Variants in CTNND2 observed in about 807,000 individuals in gnomAD.
The protein encoded by CTNND2 is catenin delta 2.
In CTNND2, 22 loss-of-function variants were observed where a neutral mutation model predicts 144.4. The ratio of observed to expected loss-of-function variants is 0.15; its 90% CI spans 0.11 to 0.22. The LOEUF (loss-of-function observed/expected upper bound fraction) is 0.22, where lower values mean the gene tolerates loss of function less well. Among genes scored for constraint, CTNND2 ranks in the 10% least tolerant of loss-of-function variants. The pLI, the probability that CTNND2 is intolerant of heterozygous loss-of-function variation, is 1.00. For missense variants in CTNND2, 1,353 were observed against 1,618.8 expected, an observed-to-expected ratio of 0.84 and a Z score of 2.82; for synonymous variants, 751 against 695.6, an observed-to-expected ratio of 1.08 and a Z score of -1.25.
chr5:11,628,415 A>C (rs1344515601), intron 2 of CTNND2, among the ~76,000 whole-genome samples: 1 of 152,206 alleles, frequency 6.6e-6, no homozygotes, highest in African/African-American at 2.4e-5. Flanking sequence ...TAGCAATATC[A>C]GAATCTGCAT....
chr5:11,852,870 C>G (rs1202421425), intron 1 of CTNND2, among the ~76,000 whole-genome samples: 1 of 152,152 alleles, frequency 6.6e-6, no homozygotes, highest in Admixed American at 6.5e-5. Flanking sequence ...TGGGTTTGCC[C>G]TTATGTGTGC....
At chr5:11,240,113 C>T (rs1255135106) in intron 9 of CTNND2, among the ~76,000 whole-genome samples, 1 of 150,870 alleles carries the variant, frequency 6.6e-6, no homozygotes, top group African/African-American at 2.4e-5. Flanking sequence ...ACACAACACA[C>T]ACACACACAC....
At chr5:11,231,733 C>A (rs1362014440) in intron 10 of CTNND2, among the ~76,000 whole-genome samples, 2 of 152,196 alleles carry the variant, frequency 1.3e-5, no homozygotes, top group African/African-American at 4.8e-5. Context: ...AAGCTTGCTG[C>A]AGAAATTTGC....
At chr5:11,372,678 A>G (rs2149783589) in intron 7 of CTNND2, among the ~76,000 whole-genome samples, 1 of 152,318 alleles carries the variant, frequency 6.6e-6, no homozygotes, top group Non-Finnish European at 1.5e-5. Context: ...CAAATTTACT[A>G]GCCACGTATT....
chr5:11,853,995 T>G (rs1349847757), intron 1 of CTNND2, among the ~76,000 whole-genome samples: 1 of 152,204 alleles, frequency 6.6e-6, no homozygotes, highest in South Asian at 2.1e-4. Flanking sequence ...TCAGATCACA[T>G]CACTTCTTGG....
chr5:11,844,301 T>C (rs1794630524), intron 1 of CTNND2, among the ~76,000 whole-genome samples: 5 of 152,068 alleles, frequency 3.3e-5, no homozygotes, highest in Admixed American at 3.3e-4. Context: ...CTTTTAAAGT[T>C]CATAGAGAGA....
At chr5:11,106,300 T>C (rs1474703125) in intron 14 of CTNND2, among the ~76,000 whole-genome samples, 2 of 152,210 alleles carry the variant, frequency 1.3e-5, no homozygotes, top group African/African-American at 4.8e-5. Context: ...GGAAGCAACC[T>C]GATTTTCTAG....
At chr5:11,196,386 A>T (rs140747001) in intron 11 of CTNND2, among the ~76,000 whole-genome samples, 2 of 152,150 alleles carry the variant, frequency 1.3e-5, no homozygotes, top group South Asian at 4.1e-4. Flanking sequence ...ATTTGCTCTC[A>T]TCCATGAGAT....
chr5:11,679,537 T>C (rs1358321276), intron 2 of CTNND2, among the ~76,000 whole-genome samples: 1 of 152,206 alleles, frequency 6.6e-6, no homozygotes, highest in East Asian at 1.9e-4. Flanking sequence ...TGCTTCTCAC[T>C]CCCTCAGGTG....
chr5:11,110,720 A>T, intron 14 of CTNND2, 138 bp downstream of exon 14: 2 of 786,422 alleles, frequency 2.5e-6, no homozygotes, highest in Non-Finnish European at 3.9e-6. Context: ...TGAAATTCCC[A>T]CAGGAAAATT....
intron 1 of CTNND2, among the ~76,000 whole-genome samples, chr5:11,874,825 T>C (rs369440780): frequency 2.0e-5 from 3 of 152,298 alleles, no homozygotes; most frequent in East Asian, 1.9e-4. Flanking sequence ...ACTCACGAAA[T>C]TGATACCACA....
At chr5:11,400,121 T>A (rs939611802) in intron 5 of CTNND2, among the ~76,000 whole-genome samples, 1 of 152,236 alleles carries the variant, frequency 6.6e-6, no homozygotes. Context: ...AATTATGTTT[T>A]TTTTTTCCTC....
intron 3 of CTNND2, among the ~76,000 whole-genome samples, chr5:11,497,511 C>CGGGGG (rs940620634): frequency 8.0e-4 from 5 of 6,214 alleles, no homozygotes; most frequent in South Asian, 5.4e-3. Flanking sequence ...GAATGATGTG[C>CGGGGG]GGGGGGGTGG....
intron 16 of CTNND2, among the ~76,000 whole-genome samples, chr5:11,045,522 G>A (rs1011711897): frequency 4.6e-5 from 7 of 152,096 alleles, no homozygotes; most frequent in African/African-American, 1.7e-4. Context: ...CCAACACTGG[G>A]GACTGCATTC....
At chr5:11,363,078 A>G (rs1756629929) in intron 8 of CTNND2, among the ~76,000 whole-genome samples, 1 of 152,242 alleles carries the variant, frequency 6.6e-6, no homozygotes, top group East Asian at 1.9e-4. Context: ...TGCAGTCATC[A>G]TTCTTAGCTC....
chr5:11,201,190 T>A (rs530052973), intron 10 of CTNND2, among the ~76,000 whole-genome samples: 2 of 152,374 alleles, frequency 1.3e-5, no homozygotes, highest in East Asian at 3.9e-4. Context: ...AGGATGTGTG[T>A]TCTGGGAGGA....
At chr5:11,424,885 G>A (rs1354735368) in intron 3 of CTNND2, among the ~76,000 whole-genome samples, 1 of 152,202 alleles carries the variant, frequency 6.6e-6, no homozygotes, top group African/African-American at 2.4e-5. Context: ...GTTGACTTCT[G>A]ATTATCCCTT....
intron 12 of CTNND2, among the ~76,000 whole-genome samples, chr5:11,150,032 A>T (rs10070334): frequency 0.08 from 12,118 of 152,230 alleles, 1,539 homozygotes; most frequent in African/African-American, 0.27. Context: ...GCTTTCTGTG[A>T]CACAATGAAG....
intron 18 of CTNND2, among the ~76,000 whole-genome samples, chr5:11,002,946 C>T (rs1486737941): frequency 6.6e-6 from 1 of 152,166 alleles, no homozygotes; most frequent in African/African-American, 2.4e-5. Flanking sequence ...TTTATTTCTA[C>T]TGGGGATATT....
Sources: gnomAD v4.1 joint callset for allele counts (sites outside exome capture counted in the v4.1 genomes callset) on GRCh38, gnomAD v4.1.1 for gene constraint, MANE v1.5 for transcripts, NCBI Gene and HGNC (gene_info 2026-07-23, HGNC 2026-07-21) for gene names.